Variants in ENAH observed in about 807,000 individuals in gnomAD.
ENAH encodes the protein ENAH actin regulator, also known as protein enabled homolog.
A neutral mutation model predicts 78.7 loss-of-function variants in ENAH; 23 were observed. The ratio of observed to expected loss-of-function variants is 0.29; its 90% CI spans 0.21 to 0.41. The LOEUF (loss-of-function observed/expected upper bound fraction) is 0.41, where lower values mean the gene tolerates loss of function less well. Ranked by LOEUF, ENAH falls within the 10% of genes least tolerant of loss-of-function variation. The pLI is 1.00. For missense variants in ENAH, 544 were observed against 691.0 expected (o/e 0.79, Z 2.39); for synonymous variants, 226 against 241.0 (o/e 0.94, Z 0.58).
At position 225,501,197 on chromosome 1, in the gene ENAH, A is replaced by T. The variant is rs890427051; in HGVS notation, c.1539-127T>A. On this transcript the variant is annotated intron_variant, in intron 11 of 13. Coordinates refer to ENST00000366843, the MANE Select transcript of ENAH (RefSeq NM_018212.6). ...ATTTCTTTAAAAAAGCCATTTTCTTAAAAAATTATCAAAATTGTAGGGCTG... is the reference window on the plus strand; with the variant it reads ...ATTTCTTTAAAAAAGCCATTTTCTTTAAAAATTATCAAAATTGTAGGGCTG... 3 of 653,214 alleles carry T rather than the reference A, an allele frequency of 4.6e-6. No individual in the cohort carries two copies. In the African/African-American group the frequency reaches 5.5e-5, roughly 12 times the overall value. The allele number at this position is 653,214 out of a possible 1,614,324, so 40.5% of individuals were successfully genotyped here. A position where few individuals can be genotyped will look rare whatever the true frequency, so the allele number is the denominator to read the frequency against.
At chr1:225,502,275 G>A (rs1345354108) in intron 11 of ENAH, among the ~76,000 whole-genome samples, 4 of 152,060 alleles carry the variant, frequency 2.6e-5, no homozygotes, top group East Asian at 1.9e-4. Context: ...GCAGTGGTGC[G>A]ATCTTGGCTC....
chr1:225,556,068 C>T (rs1449533249), intron 2 of ENAH, among the ~76,000 whole-genome samples: 1 of 152,180 alleles, frequency 6.6e-6, no homozygotes, highest in Admixed American at 6.5e-5. Flanking sequence ...TTTCACTGCT[C>T]TATGGTAGTC....
intron 3 of ENAH, among the ~76,000 whole-genome samples, chr1:225,547,111 G>A (rs1300101872): frequency 1.3e-5 from 2 of 150,780 alleles, no homozygotes; most frequent in African/African-American, 2.5e-5. Context: ...TCACTCTGTC[G>A]CCCAGGCTGG....
At chr1:225,615,549 GGAAGTGAGGA>G (rs1192277785) in intron 1 of ENAH, among the ~76,000 whole-genome samples, 1 of 150,918 alleles carries the variant, frequency 6.6e-6, no homozygotes, top group Non-Finnish European at 1.5e-5. Context: ...GCCCAGTCTG[GGAAGTGAGGA>G]GCGCCTCTTC....
intron 1 of ENAH, among the ~76,000 whole-genome samples, chr1:225,621,706 A>T (rs79602937): frequency 0.043 from 6,508 of 152,246 alleles, 228 homozygotes; most frequent in South Asian, 0.1. Context: ...CATCAAATAC[A>T]AACATTTCCC....
rs1344782192 is a variant in ENAH at position 225,489,493 on chromosome 1, T to C, written c.*8282A>G. ...TCCAGTGCAATAGCGTCTATGACTA[T>C]AAAACAACTAAAAGCTGCACTTAAG... is the stretch of plus-strand genomic sequence containing the variant. On this transcript the variant is annotated 3_prime_UTR_variant, in exon 14 of 14. Transcript: ENST00000366843. 6.6e-6 allele frequency: 1 copy of C among 152,140 alleles called. No homozygotes were observed. The highest frequency in any genetic ancestry group is 1.5e-5 in the Non-Finnish European group (1 of 68,030). The allele number at this position is 152,140 out of a possible 1,614,324, so 9.4% of individuals were successfully genotyped here. A position where few individuals can be genotyped will look rare whatever the true frequency, so the allele number is the denominator to read the frequency against.
intron 3 of ENAH, chr1:225,535,386 G>T: frequency 2.2e-6 from 1 of 464,866 alleles, no homozygotes; most frequent in Non-Finnish European, 3.8e-6. Context: ...AAAAACAATA[G>T]CTTGCTATAT....
chr1:225,547,798 C>T (rs192983179), intron 3 of ENAH, among the ~76,000 whole-genome samples: 346 of 152,274 alleles, frequency 2.3e-3, no homozygotes, highest in African/African-American at 8.0e-3. Flanking sequence ...ATGTCTTTCC[C>T]CCTCATCTTC....
intron 2 of ENAH, among the ~76,000 whole-genome samples, chr1:225,563,594 A>C (rs528279635): frequency 6.3e-4 from 96 of 152,284 alleles, no homozygotes; most frequent in African/African-American, 2.1e-3. Flanking sequence ...AACCATCCTT[A>C]TATTACTAAG....
intron 1 of ENAH, among the ~76,000 whole-genome samples, chr1:225,630,120 A>C (rs905487801): frequency 6.6e-6 from 1 of 152,224 alleles, no homozygotes; most frequent in African/African-American, 2.4e-5. Flanking sequence ...TCCTTTTGAA[A>C]TATTTAGAAA....
intron 3 of ENAH, among the ~76,000 whole-genome samples, chr1:225,544,458 G>C (rs2096603802): frequency 6.6e-6 from 1 of 152,132 alleles, no homozygotes; most frequent in Non-Finnish European, 1.5e-5. Context: ...AACTGCCAGA[G>C]AAACAAGGAA....
At chr1:225,565,461 C>A (rs1324297199) in intron 2 of ENAH, among the ~76,000 whole-genome samples, 1 of 151,666 alleles carries the variant, frequency 6.6e-6, no homozygotes, top group African/African-American at 2.4e-5. Flanking sequence ...AAAAGAATTT[C>A]TTTCTGATTA....
intron 3 of ENAH, chr1:225,530,921 G>T: frequency 4.8e-6 from 2 of 415,170 alleles, no homozygotes; most frequent in South Asian, 2.0e-4. Context: ...ACAAGTGTTC[G>T]ATGAGCATCT....
chr1:225,604,593 G>C (rs1023559917), intron 1 of ENAH, among the ~76,000 whole-genome samples: 1 of 150,108 alleles, frequency 6.7e-6, no homozygotes, highest in African/African-American at 2.5e-5. Flanking sequence ...AGACCAGCCT[G>C]GCCAACATGG....
intron 1 of ENAH, among the ~76,000 whole-genome samples, chr1:225,617,108 A>C (rs1655883918): frequency 6.6e-6 from 1 of 152,082 alleles, no homozygotes; most frequent in Non-Finnish European, 1.5e-5. Flanking sequence ...CAATTAAAAA[A>C]AAAAAAAGAT....
intron 4 of ENAH, 25 bp downstream of exon 4, chr1:225,530,529 T>C: frequency 1.3e-6 from 2 of 1,573,446 alleles, no homozygotes; most frequent in Non-Finnish European, 1.7e-6. Flanking sequence ...AAAGAAAAAG[T>C]ACAAACAATA....
At chr1:225,502,473 T>C (rs1473017044) in intron 11 of ENAH, among the ~76,000 whole-genome samples, 1 of 152,122 alleles carries the variant, frequency 6.6e-6, no homozygotes, top group Non-Finnish European at 1.5e-5. Context: ...GCCTCCCAAA[T>C]TGCTGGGTGT....
At chr1:225,530,064 C>T (rs1356713107) in intron 4 of ENAH, among the ~76,000 whole-genome samples, 2 of 152,340 alleles carry the variant, frequency 1.3e-5, no homozygotes, top group East Asian at 3.9e-4. Context: ...GTACTCTGAC[C>T]ACTTTCAGAG....
intron 1 of ENAH, among the ~76,000 whole-genome samples, chr1:225,644,698 G>A (rs1277990568): frequency 3.3e-5 from 5 of 152,084 alleles, no homozygotes; most frequent in Admixed American, 2.6e-4. Context: ...AGAAGACTGA[G>A]GACCTCTAAG....
Sources: gnomAD v4.1 joint callset for allele counts (sites outside exome capture counted in the v4.1 genomes callset) on GRCh38, gnomAD v4.1.1 for gene constraint, MANE v1.5 for transcripts, NCBI Gene and HGNC (gene_info 2026-07-23, HGNC 2026-07-21) for gene names.